The following CENPP variants were observed in gnomAD, a reference collection of about 807,000 sequenced individuals.
CENPP encodes the protein centromere protein P.
Under a neutral mutation model 35.6 loss-of-function variants are expected in CENPP, and 24 were observed. The observed-to-expected ratio is 0.67, with a 90% CI of 0.49 to 0.95. CENPP has a LOEUF of 0.95. Ranked by LOEUF, CENPP falls within the 40% of genes least tolerant of loss-of-function variation. The pLI, the probability that CENPP is intolerant of heterozygous loss-of-function variation, is 0.00. For synonymous variants in CENPP, 120 were observed against 125.5 expected (o/e 0.96, Z 0.29); for missense variants, 332 against 345.3 (o/e 0.96, Z 0.31).
intron 5 of CENPP, chr9:92,505,454 A>C: frequency 8.1e-7 from 1 of 1,228,446 alleles, no homozygotes; most frequent in Non-Finnish European, 1.1e-6. Context: ...ACATCACAAT[A>C]GTCTTAAAAT....
intron 5 of CENPP, among the ~76,000 whole-genome samples, chr9:92,537,969 G>A (rs1849229287): frequency 6.6e-6 from 1 of 152,000 alleles, no homozygotes; most frequent in Non-Finnish European, 1.5e-5. Flanking sequence ...TTTTTTGGGG[G>A]AAAAAAATGT....
intron 5 of CENPP, chr9:92,522,869 T>A: frequency 6.3e-7 from 1 of 1,588,416 alleles, no homozygotes; most frequent in Non-Finnish European, 8.5e-7. Flanking sequence ...ATCTTCATGT[T>A]TGATTTTTTT....
chr9:92,455,791 G>GC (rs1844857485), intron 5 of CENPP, among the ~76,000 whole-genome samples: 1 of 152,152 alleles, frequency 6.6e-6, no homozygotes, highest in African/African-American at 2.4e-5. Flanking sequence ...TTTACATTAG[G>GC]CCAGGCTCAG....
At chr9:92,491,988 C>G (rs148227223) in intron 5 of CENPP, among the ~76,000 whole-genome samples, 1 of 152,178 alleles carries the variant, frequency 6.6e-6, no homozygotes, top group Admixed American at 6.5e-5. Flanking sequence ...ACGTGAGTCC[C>G]TCCATCTGCT....
chr9:92,609,651 A>C (rs1851181016), intron 5 of CENPP, among the ~76,000 whole-genome samples: 1 of 152,224 alleles, frequency 6.6e-6, no homozygotes, highest in Non-Finnish European at 1.5e-5. Flanking sequence ...TCGACATCTC[A>C]GGCGGAGCCT....
chr9:92,474,907 G>T (rs1321625941), intron 5 of CENPP: 1 of 1,605,608 alleles, frequency 6.2e-7, no homozygotes, highest in Non-Finnish European at 8.5e-7. Flanking sequence ...TGGTGTCTTA[G>T]TGTAGAAGAC....
Position 92,339,585 on chromosome 9 carries a change from T to A in CENPP, c.378+1956T>A, listed in dbSNP as rs568892114. 2.0e-5 allele frequency: 3 copies of A among 152,374 alleles called. No homozygotes were observed. In the South Asian group the frequency reaches 6.2e-4, roughly 32 times the overall value. 9.4% of individuals were successfully genotyped at this position (152,374 alleles called of 1,614,324 possible). A position where few individuals can be genotyped will look rare whatever the true frequency, so the allele number is the denominator to read the frequency against. Reference sequence around the variant, plus strand: ...AGAAAAGGTGTAGTATAGCATTGCCTAGGCCATTTGAGCAGGATACAAAAC... The same window carrying A: ...AGAAAAGGTGTAGTATAGCATTGCCAAGGCCATTTGAGCAGGATACAAAAC... On this transcript the variant is annotated intron_variant, in intron 3 of 7. Transcript: ENST00000375587.
At chr9:92,344,656 T>C (rs1841229255) in intron 3 of CENPP, among the ~76,000 whole-genome samples, 1 of 151,828 alleles carries the variant, frequency 6.6e-6, no homozygotes, top group Non-Finnish European at 1.5e-5. Context: ...CAAGCGATTC[T>C]CCTGCCTCAG....
At chr9:92,470,067 G>A (rs1300982685) in intron 5 of CENPP, among the ~76,000 whole-genome samples, 1 of 152,120 alleles carries the variant, frequency 6.6e-6, no homozygotes, top group Non-Finnish European at 1.5e-5. Flanking sequence ...GGGCTCAAGT[G>A]ATCCGCCCGC....
chr9:92,441,201 C>A (rs1564321597), intron 5 of CENPP, among the ~76,000 whole-genome samples: 1 of 152,114 alleles, frequency 6.6e-6, no homozygotes, highest in Non-Finnish European at 1.5e-5. Flanking sequence ...ATTAATCAAG[C>A]TACATATTTA....
At chr9:92,532,039 T>TTTTTTTTTTTTTTTTTTTTTTTA (rs1848826400) in intron 5 of CENPP, among the ~76,000 whole-genome samples, 1 of 141,098 alleles carries the variant, frequency 7.1e-6, no homozygotes, top group African/African-American at 2.8e-5. Context: ...ATTTTATTTT[T>TTTTTTTTTTTTTTTTTTTTTTTA]TTTTTGAGAT....
Position 92,500,364 on chromosome 9 carries a change from G to A in CENPP, c.565-110950G>A, listed in dbSNP as rs183295152. On this transcript the variant is annotated intron_variant, in intron 5 of 7. Transcript: ENST00000375587. ...CGCCCTGCTAAGTTTTGTATTTTTA[G>A]TAGAAACGAGGTTTCACCATGTTGG... is the stretch of plus-strand genomic sequence containing the variant. Among the ~76,000 whole-genome samples, 29 of 152,260 alleles carry A rather than the reference G, an allele frequency of 1.9e-4. No homozygotes were observed. The East Asian group carries it at 5.6e-3, about 29-fold the overall frequency.
intron 5 of CENPP, among the ~76,000 whole-genome samples, chr9:92,586,688 A>T (rs952497993): frequency 5.4e-5 from 8 of 148,326 alleles, no homozygotes; most frequent in Non-Finnish European, 7.5e-5. Context: ...TGGGAGAATC[A>T]TTTTTTTTTT....
chr9:92,453,323 G>T (rs1027271900), intron 5 of CENPP, among the ~76,000 whole-genome samples: 1 of 152,144 alleles, frequency 6.6e-6, no homozygotes, highest in Non-Finnish European at 1.5e-5. Context: ...TGGTTTCAAA[G>T]AACATCTTTA....
intron 5 of CENPP, among the ~76,000 whole-genome samples, chr9:92,568,618 G>T (rs560936041): frequency 6.6e-6 from 1 of 152,266 alleles, no homozygotes; most frequent in East Asian, 1.9e-4. Flanking sequence ...GGATGGCTGG[G>T]TCAAATGGTA....
chr9:92,403,145 T>C (rs1564302061), intron 5 of CENPP: 10 of 801,116 alleles, frequency 1.2e-5, no homozygotes, highest in Non-Finnish European at 1.6e-5. Flanking sequence ...CCCTTCCCCT[T>C]ACCTTATCAG....
intron 5 of CENPP, among the ~76,000 whole-genome samples, chr9:92,462,331 C>T (rs1003013416): frequency 1.3e-5 from 2 of 152,080 alleles, no homozygotes; most frequent in African/African-American, 4.8e-5. Context: ...TCTGTAGTAC[C>T]CCCGCACATG....
intron 4 of CENPP, among the ~76,000 whole-genome samples, chr9:92,350,492 C>T (rs1394929762): frequency 2.0e-5 from 3 of 152,128 alleles, no homozygotes; most frequent in African/African-American, 7.2e-5. Context: ...GTCTTTTCTT[C>T]TGTGTGTATG....
chr9:92,497,912 A>T (rs1384405848), intron 5 of CENPP, among the ~76,000 whole-genome samples: 8 of 148,564 alleles, frequency 5.4e-5, no homozygotes, highest in Non-Finnish European at 1.0e-4. Context: ...GCACCTCCCC[A>T]TTCTTTTTTG....
Sources: gnomAD v4.1 joint callset for allele counts (sites outside exome capture counted in the v4.1 genomes callset) on GRCh38, gnomAD v4.1.1 for gene constraint, MANE v1.5 for transcripts, NCBI Gene and HGNC (gene_info 2026-07-23, HGNC 2026-07-21) for gene names.